The following GRIN3A variants were observed in gnomAD, a reference collection of about 807,000 sequenced individuals.
GRIN3A encodes glutamate receptor ionotropic, NMDA 3A.
In GRIN3A, 47 loss-of-function variants were observed where a neutral mutation model predicts 92.4. That is an observed-to-expected ratio of 0.51 (90% CI 0.40 to 0.65). GRIN3A has a LOEUF of 0.65. Among genes scored for constraint, GRIN3A ranks in the 30% least tolerant of loss-of-function variants. The pLI, the probability that GRIN3A is intolerant of heterozygous loss-of-function variation, is 0.00. For missense variants in GRIN3A, 1,324 were observed against 1,393.1 expected (o/e 0.95, Z 0.79); for synonymous variants, 527 against 540.6 (o/e 0.97, Z 0.35).
At chr9:101,722,995 T>TGGCTG (rs751575441) in intron 1 of GRIN3A, among the ~76,000 whole-genome samples, 3 of 152,206 alleles carry the variant, frequency 2.0e-5, no homozygotes, top group East Asian at 3.8e-4. Flanking sequence ...TGATACGGTT[T>TGGCTG]GGCTGTGTCC....
intron 2 of GRIN3A, among the ~76,000 whole-genome samples, chr9:101,685,726 A>G (rs1018599505): frequency 2.5e-4 from 38 of 150,494 alleles, no homozygotes; most frequent in African/African-American, 9.1e-4. Flanking sequence ...TTATGAATGT[A>G]TAAACAAATA....
chr9:101,574,183 G>T (rs540937261), intron 8 of GRIN3A, among the ~76,000 whole-genome samples: 1 of 152,248 alleles, frequency 6.6e-6, no homozygotes, highest in East Asian at 1.9e-4. Flanking sequence ...AAAGCAATTT[G>T]CAATCCTGTT....
intron 5 of GRIN3A, among the ~76,000 whole-genome samples, chr9:101,616,414 C>A (rs948958539): frequency 6.6e-6 from 1 of 151,970 alleles, no homozygotes; most frequent in Admixed American, 6.6e-5. Context: ...CCTTTCAAAC[C>A]AAAACTTCTA....
At position 101,708,885 on chromosome 9, in the gene GRIN3A, A is replaced by C. The variant is rs192746368; in HGVS notation, c.700-21685T>G. Among the ~76,000 whole-genome samples, 241 of 152,368 alleles carry C rather than the reference A, an allele frequency of 1.6e-3. 1 individual carries two copies. The highest frequency in any genetic ancestry group is 9.6e-4 in the Non-Finnish European group (65 of 68,034). On this transcript the variant is annotated intron_variant, in intron 1 of 8. Transcript: ENST00000361820. ...TAAACCTCCAACATATGAATATGTC[A>C]TAGGACATATTTTATAAATCCCACA...
chr9:101,623,644 C>T (rs189513646), intron 4 of GRIN3A, among the ~76,000 whole-genome samples: 1 of 152,332 alleles, frequency 6.6e-6, no homozygotes, highest in East Asian at 1.9e-4. Flanking sequence ...AGCATGACAT[C>T]TTTCCAATGA....
At chr9:101,699,368 CA>C (rs1475155347) in intron 1 of GRIN3A, among the ~76,000 whole-genome samples, 1 of 151,940 alleles carries the variant, frequency 6.6e-6, no homozygotes, top group Admixed American at 6.6e-5. Context: ...GGTTGTTTCA[CA>C]ATTAACTTAA....
At chr9:101,592,709 G>A (rs960373272) in intron 6 of GRIN3A, 2 of 151,584 alleles carry the variant, frequency 1.3e-5, no homozygotes, top group Admixed American at 6.6e-5. Flanking sequence ...TATATGGTAG[G>A]GTACCTTGAT....
rs866731875 is a variant in GRIN3A, at chr9:101,723,320, G to A, written c.699+13961C>T. On this transcript the variant is annotated intron_variant, in intron 1 of 8. Transcript: ENST00000361820. ...CGGGAGTGAAGCTGCAGACCTTCGC[G>A]GTGAGTGTTACAGCTCTTAAGGCAG... Among the ~76,000 whole-genome samples the A allele has an allele frequency of 3.0e-4, 46 of 152,036 alleles. 1 individual carries two copies. Among genetic ancestry groups the A allele is most frequent in the Middle Eastern group, 6.8e-3 (2 of 294 alleles).
intron 1 of GRIN3A, among the ~76,000 whole-genome samples, chr9:101,719,058 C>T (rs1441232899): frequency 6.6e-6 from 1 of 152,154 alleles, no homozygotes. Flanking sequence ...GGACATACTG[C>T]TGCCATTTAG....
Position 101,670,196 on chromosome 9 carries a change from C to A in GRIN3A, c.2216G>T (p.Cys739Phe). Residue 739 changes from cysteine (C) to phenylalanine (F), a missense_variant, in exon 3 of 9, where the codon TGT becomes TTT. Transcript: ENST00000361820. ...GTTCATTAGAAACCTTCCAGTCCAACATTTTGGAGGTTTGATGGCCACTGT... is the reference window on the plus strand; with the variant it reads ...GTTCATTAGAAACCTTCCAGTCCAAAATTTTGGAGGTTTGATGGCCACTGT... ...GRTVAIKPPKCWTGRFLMNLW... is the reference protein window; with the variant it reads ...GRTVAIKPPKFWTGRFLMNLW... 6.2e-7 allele frequency: 1 copy of A among 1,613,978 alleles called. No individual in the cohort carries two copies. The highest frequency in any genetic ancestry group is 1.1e-5 in the South Asian group (1 of 91,080).
intron 3 of GRIN3A, among the ~76,000 whole-genome samples, chr9:101,655,031 TAA>T (rs1829066961): frequency 1.3e-5 from 2 of 152,054 alleles, no homozygotes; most frequent in South Asian, 4.1e-4. Flanking sequence ...TTTGTATACT[TAA>T]AGTCATTAGT....
chr9:101,574,246 G>A (rs1314355183), intron 8 of GRIN3A, among the ~76,000 whole-genome samples: 1 of 152,192 alleles, frequency 6.6e-6, no homozygotes, highest in Non-Finnish European at 1.5e-5. Flanking sequence ...GCTATAGACA[G>A]CATGAGAATT....
At chr9:101,575,868 A>G (rs934417717) in intron 8 of GRIN3A, among the ~76,000 whole-genome samples, 75 of 152,196 alleles carry the variant, frequency 4.9e-4, no homozygotes, top group Admixed American at 3.9e-4. Context: ...TCAACTGTCT[A>G]GACAGCCACA....
At chr9:101,620,915 A>T (rs532918322) in intron 5 of GRIN3A, among the ~76,000 whole-genome samples, 12 of 152,216 alleles carry the variant, frequency 7.9e-5, no homozygotes, top group African/African-American at 2.4e-4. Context: ...TCATGAAATT[A>T]TTTCTCTCAA....
intron 1 of GRIN3A, among the ~76,000 whole-genome samples, chr9:101,687,761 C>G (rs1370847523): frequency 1.3e-5 from 2 of 152,158 alleles, no homozygotes; most frequent in African/African-American, 4.8e-5. Flanking sequence ...ATACATACAT[C>G]AAGACTAAGT....
chr9:101,701,448 G>C lies in GRIN3A; in HGVS notation c.700-14248C>G, dbSNP rs547603634. On this transcript the variant is annotated intron_variant, in intron 1 of 8. Transcript: ENST00000361820. ...TAGTCTCATCATTTAGCTCCCACTT[G>C]TAAGTGAGACCATGCCTAGCCATTG... is the stretch of plus-strand genomic sequence containing the variant. 3.3e-5 allele frequency among the ~76,000 whole-genome samples: 5 copies of C among 152,066 alleles called. No individual in the cohort carries two copies. The South Asian group carries it at 1.0e-3, about 32-fold the overall frequency.
chr9:101,676,970 A>T (rs1243682984), intron 2 of GRIN3A, among the ~76,000 whole-genome samples: 1 of 150,084 alleles, frequency 6.7e-6, no homozygotes, highest in Admixed American at 6.6e-5. Flanking sequence ...AAAAACTCAC[A>T]TTCTCCAGAG....
intron 6 of GRIN3A, among the ~76,000 whole-genome samples, chr9:101,606,300 G>C (rs2118834541): frequency 6.6e-6 from 1 of 152,234 alleles, no homozygotes; most frequent in East Asian, 1.9e-4. Context: ...CTGGGAAGCG[G>C]ACCTCTCTGC....
intron 2 of GRIN3A, among the ~76,000 whole-genome samples, chr9:101,673,777 C>T (rs1164968639): frequency 6.6e-6 from 1 of 152,058 alleles, no homozygotes; most frequent in East Asian, 1.9e-4. Flanking sequence ...CCTGGGCACT[C>T]TTCCAACTCT....
Sources: allele counts gnomAD v4.1 joint callset (sites outside exome capture counted in the v4.1 genomes callset), GRCh38; gene constraint gnomAD v4.1.1; transcripts MANE v1.5; gene names NCBI Gene and HGNC (gene_info 2026-07-23, HGNC 2026-07-21).